The following PTPRN2 variants were observed in gnomAD, a reference collection of about 807,000 sequenced individuals.
PTPRN2 encodes protein tyrosine phosphatase receptor type N2, also known as receptor-type tyrosine-protein phosphatase N2.
Under a neutral mutation model 118.8 loss-of-function variants are expected in PTPRN2, and 74 were observed. The observed-to-expected ratio is 0.62, with a 90% CI of 0.52 to 0.76. The LOEUF is 0.76. Ranked by LOEUF, PTPRN2 falls within the 30% of genes least tolerant of loss-of-function variation. The pLI, the probability that PTPRN2 is intolerant of heterozygous loss-of-function variation, is 0.00. For synonymous variants in PTPRN2, 641 were observed against 608.0 expected, an observed-to-expected ratio of 1.05 and a Z score of -0.80; for missense variants, 1,481 against 1,394.4, an observed-to-expected ratio of 1.06 and a Z score of -0.99.
intron 3 of PTPRN2, among the ~76,000 whole-genome samples, chr7:158,312,814 C>T (rs899983315): frequency 2.0e-5 from 3 of 151,182 alleles, no homozygotes; most frequent in Admixed American, 6.6e-5. Flanking sequence ...CACGTGCTCA[C>T]GTGTAGATAT....
At chr7:157,871,578 C>T (rs919097834) in intron 12 of PTPRN2, among the ~76,000 whole-genome samples, 8 of 151,952 alleles carry the variant, frequency 5.3e-5, no homozygotes, top group African/African-American at 1.5e-4. Context: ...GAAGAGCAAC[C>T]GGGACTCACT....
intron 11 of PTPRN2, chr7:158,029,767 C>CTCCAG (rs1285531462): frequency 1.1e-4 from 16 of 152,356 alleles, no homozygotes; most frequent in African/African-American, 3.1e-4. Context: ...GGGCTGGAGG[C>CTCCAG]TCCTGTCCTG....
chr7:158,255,760 C>T (rs1048323443), intron 3 of PTPRN2, among the ~76,000 whole-genome samples: 1 of 136,368 alleles, frequency 7.3e-6, no homozygotes, highest in Non-Finnish European at 1.5e-5. Flanking sequence ...AAGCTCCTGG[C>T]CACTCTTTTC....
chr7:158,509,007 C>T lies in PTPRN2; in HGVS notation c.113-19222G>A, dbSNP rs532235306. Among the ~76,000 whole-genome samples the T allele has an allele frequency of 9.9e-5, 15 of 151,772 alleles. No individual in the cohort carries two copies. The highest frequency in any genetic ancestry group is 2.7e-4 in the African/African-American group (11 of 41,264). The stretch of plus-strand genomic sequence containing the variant: ...GCAGGAAGCTGAGCTCACAAGGGGT[C>T]GGATTGCAAGATCTCTTCAGAGGTG... On this transcript the variant is annotated intron_variant, in intron 1 of 22. Transcript: ENST00000389418. The surrounding 1 kb of genome is among the most constrained non-coding windows in gnomAD (Gnocchi z 4.4).
intron 3 of PTPRN2, among the ~76,000 whole-genome samples, chr7:158,312,114 C>A (rs1801822146): frequency 1.1e-5 from 1 of 92,246 alleles, no homozygotes; most frequent in Non-Finnish European, 2.3e-5. Flanking sequence ...GACGCCCACA[C>A]AAGGCAAACA....
chr7:157,926,264 C>G (rs78614206), intron 11 of PTPRN2, among the ~76,000 whole-genome samples: 4 of 151,856 alleles, frequency 2.6e-5, no homozygotes, highest in Admixed American at 2.6e-4. Context: ...TGAGGGTCCA[C>G]GCATTACATC....
chr7:158,034,644 A>G (rs1421914830), intron 11 of PTPRN2, among the ~76,000 whole-genome samples: 4 of 152,102 alleles, frequency 2.6e-5, no homozygotes, highest in Non-Finnish European at 5.9e-5. Flanking sequence ...CAGCAGTGTG[A>G]AAAAAAACTA....
At chr7:158,005,731 G>T (rs1452716825) in intron 11 of PTPRN2, among the ~76,000 whole-genome samples, 1 of 152,302 alleles carries the variant, frequency 6.6e-6, no homozygotes, top group Non-Finnish European at 1.5e-5. Context: ...CCCACGAGGG[G>T]TTCTCCCCAG....
At chr7:158,550,912 C>T (rs1483040805) in intron 1 of PTPRN2, among the ~76,000 whole-genome samples, 1 of 152,208 alleles carries the variant, frequency 6.6e-6, no homozygotes, top group African/African-American at 2.4e-5. Context: ...CTTCACCCCT[C>T]CACGGACATC....
chr7:157,641,682 C>T (rs761456747), intron 14 of PTPRN2, among the ~76,000 whole-genome samples: 3 of 152,204 alleles, frequency 2.0e-5, no homozygotes, highest in Non-Finnish European at 4.4e-5. Flanking sequence ...TCACTGTCCT[C>T]TTGCTCCAGA....
intron 5 of PTPRN2, among the ~76,000 whole-genome samples, chr7:158,186,373 C>CG (rs1033703122): frequency 3.3e-5 from 5 of 151,894 alleles, no homozygotes; most frequent in Non-Finnish European, 7.4e-5. Flanking sequence ...AGATTTCTCC[C>CG]GGGGGCTCAC....
intron 3 of PTPRN2, among the ~76,000 whole-genome samples, chr7:158,268,853 A>ACG: frequency 7.9e-6 from 1 of 126,728 alleles, no homozygotes; most frequent in East Asian, 2.5e-4. Flanking sequence ...TCCCAGCCGC[A>ACG]CACACACAGG....
chr7:158,210,023 C>A (rs146977726), intron 3 of PTPRN2, among the ~76,000 whole-genome samples: 3 of 151,680 alleles, frequency 2.0e-5, no homozygotes, highest in Non-Finnish European at 1.5e-5. Context: ...ACACAACATA[C>A]CAAAAACCTG....
intron 11 of PTPRN2, among the ~76,000 whole-genome samples, chr7:158,071,704 AGG>A (rs1811796205): frequency 1.1e-4 from 7 of 64,380 alleles, no homozygotes; most frequent in African/African-American, 4.2e-4. Flanking sequence ...CTTGTGGTGG[AGG>A]TGCTCCTGGT....
chr7:158,013,827 C>CCCAT (rs1806241271), intron 11 of PTPRN2, among the ~76,000 whole-genome samples: 1 of 123,430 alleles, frequency 8.1e-6, no homozygotes, highest in Non-Finnish European at 1.7e-5. Context: ...CACCCACCTA[C>CCCAT]CCATCCATCC....
At chr7:157,797,968 A>G (rs1016732662) in intron 12 of PTPRN2, among the ~76,000 whole-genome samples, 1 of 151,968 alleles carries the variant, frequency 6.6e-6, no homozygotes, top group Non-Finnish European at 1.5e-5. Flanking sequence ...TTTAACGATT[A>G]TTTCTCTGGG....
At chr7:158,259,490 C>T (rs1797247341) in intron 3 of PTPRN2, among the ~76,000 whole-genome samples, 1 of 152,214 alleles carries the variant, frequency 6.6e-6, no homozygotes. Flanking sequence ...GGAGGCTCCA[C>T]CAAAGACCGT....
At chr7:158,572,134 C>G (rs1421971541) in intron 1 of PTPRN2, among the ~76,000 whole-genome samples, 1 of 152,128 alleles carries the variant, frequency 6.6e-6, no homozygotes, top group Non-Finnish European at 1.5e-5. Context: ...CTGTCTTGCT[C>G]GTGTTTGCAA....
intron 11 of PTPRN2, among the ~76,000 whole-genome samples, chr7:158,036,721 A>T (rs1808113714): frequency 6.6e-6 from 1 of 152,232 alleles, no homozygotes; most frequent in Non-Finnish European, 1.5e-5. Context: ...AAAATTTTTT[A>T]AATTTTAAGA....
Sources: gnomAD v4.1 joint callset for allele counts (sites outside exome capture counted in the v4.1 genomes callset) on GRCh38, gnomAD v4.1.1 for gene constraint, Gnocchi (gnomAD v3.1) non-coding constraint, MANE v1.5 for transcripts, NCBI Gene and HGNC (gene_info 2026-07-23, HGNC 2026-07-21) for gene names.